Variants in STAU2 observed in about 807,000 individuals in gnomAD.
STAU2 encodes double-stranded RNA-binding protein Staufen homolog 2.
STAU2 carries 20 observed loss-of-function variants against 65.9 expected under a neutral mutation model. The observed-to-expected ratio is 0.30, with a 90% CI of 0.21 to 0.44. The LOEUF is 0.44. STAU2 is among the 20% of genes least tolerant of loss of function. The pLI is 1.00. For missense variants in STAU2, 558 were observed against 683.9 expected, an observed-to-expected ratio of 0.82 and a Z score of 2.05; for synonymous variants, 232 against 233.9, an observed-to-expected ratio of 0.99 and a Z score of 0.07.
intron 5 of STAU2, among the ~76,000 whole-genome samples, chr8:73,677,731 A>C (rs1336975917): frequency 6.6e-6 from 1 of 152,192 alleles, no homozygotes; most frequent in East Asian, 1.9e-4. Context: ...TCACAGCATA[A>C]AAATTCATCA....
chr8:73,721,371 G>T (rs576582828), intron 3 of STAU2, among the ~76,000 whole-genome samples: 1 of 145,610 alleles, frequency 6.9e-6, no homozygotes. Flanking sequence ...ATAAACTTGT[G>T]AACAAATACG....
At chr8:73,707,193 C>G (rs1467827822) in intron 4 of STAU2, among the ~76,000 whole-genome samples, 1 of 152,076 alleles carries the variant, frequency 6.6e-6, no homozygotes, top group East Asian at 1.9e-4. Flanking sequence ...AACATTTAAG[C>G]AGGTTAAAGA....
rs916739698 is a variant in STAU2 at position 73,583,706 on chromosome 8, CTAAGTCCTAACTT to C, written c.1162-889_1162-877del. Among the ~76,000 whole-genome samples, 4 of 151,690 alleles carry C rather than the reference CTAAGTCCTAACTT, an allele frequency of 2.6e-5. No individual in the cohort carries two copies. In the South Asian group the frequency reaches 6.3e-4, roughly 24 times the overall value. On this transcript the variant is annotated intron_variant, in intron 11 of 14. Transcript: ENST00000524300. ...ATGACATATACAAAAAAATTGAAAA[CTAAGTCCTAACTT>C]TAAGTCCTAACTTTAAGCAAACTAA... is the stretch of plus-strand genomic sequence containing the variant.
At chr8:73,654,484 T>G (rs1050583607) in intron 6 of STAU2, among the ~76,000 whole-genome samples, 3 of 151,214 alleles carry the variant, frequency 2.0e-5, no homozygotes, top group African/African-American at 7.3e-5. Flanking sequence ...AGACCCCATC[T>G]CTACAAAAAA....
At chr8:73,744,046 A>G (rs890882443) in intron 1 of STAU2, among the ~76,000 whole-genome samples, 5 of 152,182 alleles carry the variant, frequency 3.3e-5, no homozygotes, top group African/African-American at 1.2e-4. Context: ...CTGGGATTAC[A>G]GGCATGAGCC....
At chr8:73,611,085 C>A (rs923242449) in intron 9 of STAU2, among the ~76,000 whole-genome samples, 18 of 152,150 alleles carry the variant, frequency 1.2e-4, no homozygotes, top group African/African-American at 4.3e-4. Flanking sequence ...AGATATTTTA[C>A]CTGCTTCCAT....
chr8:73,710,963 A>ATT (rs931881222), intron 3 of STAU2, among the ~76,000 whole-genome samples: 1 of 151,762 alleles, frequency 6.6e-6, no homozygotes, highest in African/African-American at 2.4e-5. Context: ...AGGCCCAATA[A>ATT]TTTGTACAAT....
At chr8:73,630,254 C>T (rs1015594779) in intron 6 of STAU2, among the ~76,000 whole-genome samples, 6 of 152,340 alleles carry the variant, frequency 3.9e-5, no homozygotes, top group African/African-American at 1.4e-4. Flanking sequence ...TATGCTTTTA[C>T]ATCGGTTAGT....
At chr8:73,644,225 G>A (rs918412896) in intron 6 of STAU2, among the ~76,000 whole-genome samples, 3 of 152,162 alleles carry the variant, frequency 2.0e-5, no homozygotes, top group South Asian at 2.1e-4. Context: ...TAAACTGAAC[G>A]AAAATAAAAT....
intron 4 of STAU2, among the ~76,000 whole-genome samples, chr8:73,702,434 T>C (rs1274532347): frequency 6.6e-6 from 1 of 152,148 alleles, no homozygotes. Flanking sequence ...GTTTGTTCTT[T>C]TTCTTCACAT....
chr8:73,672,816 C>T (rs1194284248), intron 6 of STAU2, among the ~76,000 whole-genome samples: 2 of 151,322 alleles, frequency 1.3e-5, no homozygotes, highest in East Asian at 3.9e-4. Context: ...GACTTTAAGA[C>T]TTGGTCTTCC....
chr8:73,437,717 G>A (rs573240530), intron 13 of STAU2, among the ~76,000 whole-genome samples: 1 of 152,088 alleles, frequency 6.6e-6, no homozygotes, highest in East Asian at 1.9e-4. Context: ...TAAGGGTCTG[G>A]CTGAGATGCC....
chr8:73,555,696 T>G (rs1807701158), intron 12 of STAU2, among the ~76,000 whole-genome samples: 1 of 152,208 alleles, frequency 6.6e-6, no homozygotes, highest in Non-Finnish European at 1.5e-5. Flanking sequence ...TAGAGAAGAT[T>G]TAAGTATACT....
At chr8:73,708,987 G>C in intron 4 of STAU2, 45 bp downstream of exon 4, 1 of 1,430,894 alleles carries the variant, frequency 7.0e-7, no homozygotes, top group Non-Finnish European at 9.1e-7. Context: ...TGATAAATCT[G>C]TTAGTCTGAT....
At chr8:73,694,628 G>A (rs912169317) in intron 4 of STAU2, among the ~76,000 whole-genome samples, 1 of 152,100 alleles carries the variant, frequency 6.6e-6, no homozygotes, top group Admixed American at 6.6e-5. Context: ...AAAAAGCACC[G>A]TTACAAGAAA....
chr8:73,722,667 T>G (rs1194502050), intron 3 of STAU2, among the ~76,000 whole-genome samples: 2 of 152,222 alleles, frequency 1.3e-5, no homozygotes, highest in African/African-American at 2.4e-5. Context: ...ACCATATCTC[T>G]TTCTCTGACT....
intron 13 of STAU2, chr8:73,550,852 A>AG (rs1807281956): frequency 1.0e-6 from 1 of 987,560 alleles, no homozygotes; most frequent in East Asian, 1.1e-4. Flanking sequence ...GGTTCGGTGA[A>AG]GTGAAAAAAA....
Position 73,724,691 on chromosome 8 carries a change from ATTT to A in STAU2, c.-18+13590_-18+13592del, listed in dbSNP as rs71269938. 4.0e-3 allele frequency among the ~76,000 whole-genome samples: 574 copies of A among 142,090 alleles called. 8 individuals carry two copies. Among genetic ancestry groups the A allele is most frequent in the South Asian group, 0.039 (174 of 4,464 alleles). The allele number at this position is 142,090 out of a possible 152,430, so 93.2% of individuals were successfully genotyped here. A position where few individuals can be genotyped will look rare whatever the true frequency, so the allele number is the denominator to read the frequency against. ...TGTGTGTGTGTATATATATATATATATTTTTTTTTTTTTTCTGAGTCAAGGTCC... is the reference window on the plus strand; with the variant it reads ...TGTGTGTGTGTATATATATATATATATTTTTTTTTTTCTGAGTCAAGGTCC... On this transcript the variant is annotated intron_variant, in intron 3 of 14. Coordinates refer to ENST00000524300, the MANE Select transcript of STAU2 (RefSeq NM_001164380.2).
intron 4 of STAU2, among the ~76,000 whole-genome samples, chr8:73,705,770 TTG>T (rs1422612112): frequency 6.6e-6 from 1 of 152,170 alleles, no homozygotes; most frequent in African/African-American, 2.4e-5. Flanking sequence ...TGTTCAGAAT[TTG>T]TGATACTCAT....
Sources: allele counts gnomAD v4.1 joint callset (sites outside exome capture counted in the v4.1 genomes callset), GRCh38; gene constraint gnomAD v4.1.1; transcripts MANE v1.5; gene names NCBI Gene and HGNC (gene_info 2026-07-23, HGNC 2026-07-21).